CERCAM: variants seen among roughly 807,000 people sequenced by gnomAD.
CERCAM encodes the protein cerebral endothelial cell adhesion molecule, also known as inactive glycosyltransferase 25 family member 3.
A neutral mutation model predicts 66.0 loss-of-function variants in CERCAM; 59 were observed. The ratio of observed to expected loss-of-function variants is 0.89; its 90% CI spans 0.73 to 1.11. The LOEUF (loss-of-function observed/expected upper bound fraction) is 1.11, where lower values mean the gene tolerates loss of function less well. CERCAM is among the 50% of genes most tolerant of loss of function. CERCAM has a pLI of 0.00. For missense variants in CERCAM, 840 were observed against 828.3 expected (o/e 1.01, Z -0.17); for synonymous variants, 318 against 343.6 (o/e 0.93, Z 0.83).
At position 128,428,290 on chromosome 9, in the gene CERCAM, CTG is replaced by C; in HGVS notation, c.767-10_767-9del. Reference sequence around the variant, plus strand: ...CCCTCCACTGCAGCTCTCACTCAGCCTGTCTCTGCAGGGGTCTCCGTCCACGT... The same window carrying C: ...CCCTCCACTGCAGCTCTCACTCAGCCTCTCTGCAGGGGTCTCCGTCCACGT... On this transcript the variant is annotated splice_polypyrimidine_tract_variant and intron_variant, in intron 5 of 12. Coordinates refer to ENST00000372838, the MANE Select transcript of CERCAM (RefSeq NM_016174.5). 6.2e-7 allele frequency: 1 copy of C among 1,613,412 alleles called. No individual in the cohort carries two copies. Among genetic ancestry groups the C allele is most frequent in the African/African-American group, 1.3e-5 (1 of 75,028 alleles).
At chr9:128,431,098 C>T in intron 8 of CERCAM, 73 bp from the exon 9 acceptor site, 1 of 1,544,774 alleles carries the variant, frequency 6.5e-7, no homozygotes, top group Non-Finnish European at 8.8e-7. Flanking sequence ...CTGTCCCCAA[C>T]ATGCACAGGC....
At position 128,435,903 on chromosome 9, in the gene CERCAM, T is replaced by C; in HGVS notation, c.1786T>C (p.Ter596GlnextTer160). The C allele has an allele frequency of 1.2e-6, 2 of 1,602,182 alleles. No homozygotes were observed. Among genetic ancestry groups the C allele is most frequent in the Non-Finnish European group, 1.7e-6 (2 of 1,177,856 alleles). Reference protein sequence around the residue: ...SLQPQPRDEL* With the variant: ...SLQPQPRDELQ Reference sequence around the variant, plus strand: ...CCAACCCCAGCCCCGAGATGAGCTCTAGGTGAGGCCAGGGCGGGAAGAGGC... The same window carrying C: ...CCAACCCCAGCCCCGAGATGAGCTCCAGGTGAGGCCAGGGCGGGAAGAGGC... Residue 596 changes from the stop codon to glutamine, a stop_lost and splice_region_variant, in exon 12 of 13, where the codon TAG (stop) becomes CAG (glutamine). Coordinates refer to ENST00000372838, the MANE Select transcript of CERCAM (RefSeq NM_016174.5).
intron 9 of CERCAM, among the ~76,000 whole-genome samples, chr9:128,432,288 A>G (rs1833993949): frequency 6.6e-6 from 1 of 151,720 alleles, no homozygotes; most frequent in South Asian, 2.1e-4. Flanking sequence ...GGCCTCCCAA[A>G]GTGCTGGAAT....
At chr9:128,430,989 A>T (rs561910661) in intron 8 of CERCAM, 182 bp from the exon 9 acceptor site, 1 of 683,172 alleles carries the variant, frequency 1.5e-6, no homozygotes, top group Non-Finnish European at 2.4e-6. Flanking sequence ...AGCCTGGGCA[A>T]CAGGGGCTCC....
intron 8 of CERCAM, 106 bp from the exon 9 acceptor site, chr9:128,431,065 C>A: frequency 7.2e-7 from 1 of 1,383,794 alleles, no homozygotes; most frequent in Admixed American, 2.0e-5. Flanking sequence ...CAGAAACCTT[C>A]TTCAAACCCG....
At chr9:128,431,142 C>T (rs1220794909) in intron 8 of CERCAM, 29 bp from the exon 9 acceptor site, 2 of 1,609,666 alleles carry the variant, frequency 1.2e-6, no homozygotes, top group Admixed American at 1.7e-5. Context: ...GGCAGGCACC[C>T]CTCACCCCGC....
intron 12 of CERCAM, 150 bp downstream of exon 12, chr9:128,436,055 G>T: frequency 9.8e-7 from 1 of 1,024,496 alleles, no homozygotes; most frequent in Non-Finnish European, 1.4e-6. Context: ...TGTTGTTGTT[G>T]TTGTTTGTTT....
intron 6 of CERCAM, 23 bp downstream of exon 6, chr9:128,428,444 AC>A (rs1488456258): frequency 6.2e-7 from 1 of 1,612,840 alleles, no homozygotes; most frequent in African/African-American, 1.3e-5. Flanking sequence ...GAACTGTTCC[AC>A]CCACCTGCTG....
chr9:128,426,376 GCA>G (rs1833846743), intron 5 of CERCAM, among the ~76,000 whole-genome samples: 1 of 152,036 alleles, frequency 6.6e-6, no homozygotes, highest in Admixed American at 6.6e-5. Context: ...TGTAATCTAA[GCA>G]CTTTGGGAGG....
chr9:128,420,732 G>T (rs114727264), upstream of CERCAM: 2 of 274,136 alleles, frequency 7.3e-6, no homozygotes, highest in African/African-American at 2.3e-5. This position sits in a 1 kb window ranked among gnomAD's most constrained non-coding sequence, Gnocchi z 5.0. Flanking sequence ...CCACGCACAG[G>T]GGTGGGGAGC....
At chr9:128,435,617 G>A (rs7040989) in intron 11 of CERCAM, 36 bp from the exon 12 acceptor site, 354,524 of 1,549,144 alleles carry the variant, frequency 0.23, 44,195 homozygotes, top group African/African-American at 0.44. Flanking sequence ...GTAGGGGCCC[G>A]CCTCAATCCC....
In CERCAM at chr9:128,434,578, C is replaced by T. The variant is rs369043089; in HGVS notation, c.1500C>T (p.Asp500=). The T allele has an allele frequency of 1.6e-5, 26 of 1,610,632 alleles. No individual in the cohort carries two copies. The highest frequency in any genetic ancestry group is 4.5e-5 in the East Asian group (2 of 44,868). ...SQPLRRMLPV[D]EFLPIMFDQH... ...CTCTGCGCCGCATGCTGCCCGTGGA[C>T]GAGTTCCTGCCCATCATGTTCGACC... The change falls in exon 11 of 13, where the codon GAC becomes GAT. Residue 500 remains aspartate (D), a synonymous_variant. Transcript: ENST00000372838. The surrounding 1 kb of genome is among the most constrained non-coding windows in gnomAD (Gnocchi z 4.5).
At position 128,435,891 on chromosome 9, in the gene CERCAM, C is replaced by T. The variant is rs752039692; in HGVS notation, c.1774C>T (p.Arg592Ter). Residue 592 changes from arginine to a stop codon, truncating the protein, a stop_gained, in exon 12 of 13, where the codon CGA (arginine) becomes TGA (stop). Transcript: ENST00000372838. LOFTEE classifies it high-confidence loss of function. ...CGGGCACAGCCTCCAACCCCAGCCC[C>T]GAGATGAGCTCTAGGTGAGGCCAGG... ...SSGHSLQPQP[R>*]DEL 5.0e-6 allele frequency: 8 copies of T among 1,605,046 alleles called. No individual in the cohort carries two copies. The highest frequency in any genetic ancestry group is 1.7e-5 in the Admixed American group (1 of 59,758).
At position 128,424,273 on chromosome 9, in the gene CERCAM, G is replaced by T. The variant is rs140295565; in HGVS notation, c.561+1G>T. 6 of 1,614,032 alleles carry T rather than the reference G, an allele frequency of 3.7e-6. No individual in the cohort carries two copies. The South Asian group carries it at 6.6e-5, about 18-fold the overall frequency. On this transcript the variant is annotated splice_donor_variant, in intron 4 of 12. Transcript: ENST00000372838. LOFTEE classifies it high-confidence loss of function. The stretch of plus-strand genomic sequence containing the variant: ...CTTCTGGTGTGGGATCACCCCCCAG[G>T]TGAGGCCGGGATGGGGGCCTTGGGT...
rs916730076 is a variant in CERCAM, at chr9:128,420,950, G to T, written c.73G>T (p.Val25Phe). Reference protein sequence around the residue: ...LLGPWLEAAGVAESPLPAVVL... With the variant: ...LLGPWLEAAGFAESPLPAVVL... Reference sequence around the variant, plus strand: ...GGGGCCGTGGCTGGAGGCTGCGGGCGTTGCGGAGTCGCCGCTGCCCGCCGT... The same window carrying T: ...GGGGCCGTGGCTGGAGGCTGCGGGCTTTGCGGAGTCGCCGCTGCCCGCCGT... Residue 25 changes from valine (V) to phenylalanine (F), a missense_variant, in exon 1 of 13, where the codon GTT (valine) becomes TTT (phenylalanine). Coordinates refer to ENST00000372838, the MANE Select transcript of CERCAM (RefSeq NM_016174.5). This position sits in a 1 kb window ranked among gnomAD's most constrained non-coding sequence, Gnocchi z 5.0. 6.8e-7 allele frequency: 1 copy of T among 1,461,040 alleles called. No individual in the cohort carries two copies. Among genetic ancestry groups the T allele is most frequent in the Admixed American group, 2.5e-5 (1 of 40,608 alleles). The allele number at this position is 1,461,040 out of a possible 1,614,324, so 90.5% of individuals were successfully genotyped here.
At chr9:128,423,118 T>G in intron 2 of CERCAM, 28 bp from the exon 3 acceptor site, 1 of 1,609,826 alleles carries the variant, frequency 6.2e-7, no homozygotes, top group African/African-American at 1.3e-5. Flanking sequence ...ATGTACCCCA[T>G]GGGAACATCT....
intron 5 of CERCAM, 87 bp from the exon 6 acceptor site, chr9:128,428,215 C>T: frequency 6.8e-7 from 1 of 1,470,972 alleles, no homozygotes; most frequent in Non-Finnish European, 9.2e-7. Context: ...CATGTTGGGT[C>T]ACTGGCAGTG....
upstream of CERCAM, chr9:128,420,603 C>A: frequency 5.0e-6 from 1 of 199,418 alleles, no homozygotes; most frequent in Admixed American, 6.0e-5. This position sits in a 1 kb window ranked among gnomAD's most constrained non-coding sequence, Gnocchi z 5.0. Context: ...TCCTCCGGCC[C>A]CTCCGCCGTC....
At chr9:128,431,460 C>A (rs1357728511) in intron 9 of CERCAM, 157 bp downstream of exon 9, 8 of 859,390 alleles carry the variant, frequency 9.3e-6, no homozygotes, top group Non-Finnish European at 1.4e-5. Flanking sequence ...CAGTGGGCAC[C>A]ACTAAGCGGT....
Sources: allele counts gnomAD v4.1 joint callset (sites outside exome capture counted in the v4.1 genomes callset), GRCh38; gene constraint gnomAD v4.1.1; non-coding constraint Gnocchi (gnomAD v3.1); transcripts MANE v1.5; gene names NCBI Gene and HGNC (gene_info 2026-07-23, HGNC 2026-07-21).